Variants in CMPK2 observed in about 807,000 individuals in gnomAD.
The protein encoded by CMPK2 is UMP-CMP kinase 2, mitochondrial.
Under a neutral mutation model 33.4 loss-of-function variants are expected in CMPK2, and 32 were observed. That is an observed-to-expected ratio of 0.96 (90% CI 0.72 to 1.29). The LOEUF (loss-of-function observed/expected upper bound fraction) is 1.29, where lower values mean the gene tolerates loss of function less well. Among genes scored for constraint, CMPK2 ranks in the 50% most tolerant of loss-of-function variants. The probability of loss-of-function intolerance (pLI) is 0.00; values close to 1 mark genes in which losing one functional copy is unlikely to be tolerated. For missense variants in CMPK2, 672 were observed against 616.0 expected, an observed-to-expected ratio of 1.09 and a Z score of -0.96; for synonymous variants, 299 against 275.3, an observed-to-expected ratio of 1.09 and a Z score of -0.85.
rs1271826020 is a variant in CMPK2 at position 6,848,623 on chromosome 2, T to G, written c.*1227A>C. ...TTTAAGATTCTATATGCAGACCTGATAAAGCCTTAAATTTAATTATTTTGG... is the reference window on the plus strand; with the variant it reads ...TTTAAGATTCTATATGCAGACCTGAGAAAGCCTTAAATTTAATTATTTTGG... On this transcript the variant is annotated 3_prime_UTR_variant, in exon 5 of 5. Coordinates refer to ENST00000256722, the MANE Select transcript of CMPK2 (RefSeq NM_207315.4). The G allele has an allele frequency of 2.1e-6, 2 of 967,346 alleles. No individual in the cohort carries two copies. The highest frequency in any genetic ancestry group is 1.1e-4 in the East Asian group (1 of 8,746). 59.9% of individuals were successfully genotyped at this position (967,346 alleles called of 1,614,324 possible).
Position 6,865,610 on chromosome 2 carries a change from C to T in CMPK2, c.87G>A (p.Pro29=), listed in dbSNP as rs1203840410. The part of the protein sequence containing the change: ...RRGVCAGAMA[P]PRRFVLELPD... Reference sequence around the variant, plus strand: ...GAAGCTCCAGGACGAAGCGGCGCGGCGGAGCCATGGCCCCAGCGCAGACCC... The same window carrying T: ...GAAGCTCCAGGACGAAGCGGCGCGGTGGAGCCATGGCCCCAGCGCAGACCC... Residue 29 remains proline (P), a synonymous_variant, in exon 1 of 5, where the codon CCG becomes CCA. Coordinates refer to ENST00000256722, the MANE Select transcript of CMPK2 (RefSeq NM_207315.4). 1 of 1,393,950 alleles carries T rather than the reference C, an allele frequency of 7.2e-7. No individual in the cohort carries two copies. The highest frequency in any genetic ancestry group is 2.9e-5 in the Admixed American group (1 of 35,004). 86.3% of individuals were successfully genotyped at this position (1,393,950 alleles called of 1,614,324 possible).
chr2:6,866,027 C>A, upstream of CMPK2: 1 of 454,238 alleles, frequency 2.2e-6, no homozygotes, highest in South Asian at 3.0e-5. Flanking sequence ...GAATGAGGCC[C>A]CGCGCCGTCG....
intron 3 of CMPK2, among the ~76,000 whole-genome samples, chr2:6,859,222 G>C (rs1454838104): frequency 6.6e-6 from 1 of 152,206 alleles, no homozygotes; most frequent in Non-Finnish European, 1.5e-5. Flanking sequence ...AAGGTATTCG[G>C]TTTTAAAATG....
intron 3 of CMPK2, among the ~76,000 whole-genome samples, chr2:6,853,889 G>C (rs969857421): frequency 6.6e-6 from 1 of 151,716 alleles, no homozygotes; most frequent in East Asian, 1.9e-4. Flanking sequence ...GCAACAGAGC[G>C]AGACTTCATC....
chr2:6,866,412 T>G (rs4668514), upstream of CMPK2: 17 of 983,190 alleles, frequency 1.7e-5, no homozygotes, highest in African/African-American at 3.0e-4. Context: ...ACACTCACCT[T>G]TGCACACACT....
chr2:6,855,956 C>A (rs1662693587), intron 3 of CMPK2, among the ~76,000 whole-genome samples: 1 of 152,140 alleles, frequency 6.6e-6, no homozygotes, highest in Admixed American at 6.5e-5. Flanking sequence ...AGCTTACCCA[C>A]CAGGAACAAG....
intron 3 of CMPK2, among the ~76,000 whole-genome samples, chr2:6,841,117 A>G (rs1662221942): frequency 1.3e-5 from 2 of 152,168 alleles, no homozygotes; most frequent in Admixed American, 6.5e-5. Flanking sequence ...CCCCTTGGGT[A>G]ACAGCTGCCT....
intron 1 of CMPK2, 67 bp from the exon 2 acceptor site, chr2:6,863,645 G>A: frequency 8.6e-7 from 1 of 1,156,812 alleles, no homozygotes; most frequent in Non-Finnish European, 1.3e-6. Context: ...CACCTAAATT[G>A]CTGAGCACAA....
chr2:6,841,506 A>G (rs1053927976), intron 3 of CMPK2, among the ~76,000 whole-genome samples: 2 of 152,226 alleles, frequency 1.3e-5, no homozygotes, highest in Non-Finnish European at 2.9e-5. Context: ...TTCTTTCCCA[A>G]GTGAAAAGTT....
At chr2:6,846,231 ATTAAC>A (rs1197289368), downstream of CMPK2, among the ~76,000 whole-genome samples, 1 of 152,240 alleles carries the variant, frequency 6.6e-6, no homozygotes, top group African/African-American at 2.4e-5. Flanking sequence ...CCGTAAGAAA[ATTAAC>A]TTCTCTCATA....
At chr2:6,840,757 G>A (rs1662209820) in intron 3 of CMPK2, 2 of 684,632 alleles carry the variant, frequency 2.9e-6, no homozygotes, top group Non-Finnish European at 5.3e-6. Flanking sequence ...CCTAGTTCTT[G>A]GGGTTGGAAT....
At chr2:6,852,745 T>C (rs1002253783) in intron 3 of CMPK2, among the ~76,000 whole-genome samples, 6 of 152,222 alleles carry the variant, frequency 3.9e-5, no homozygotes, top group Admixed American at 6.5e-5. Flanking sequence ...AATGAATAAA[T>C]GAATTAGAAC....
chr2:6,857,480 A>AT (rs913431770), intron 3 of CMPK2, among the ~76,000 whole-genome samples: 4 of 150,942 alleles, frequency 2.7e-5, no homozygotes, highest in Non-Finnish European at 4.4e-5. Flanking sequence ...ATACCCAGCT[A>AT]TTTTTTTAAA....
At chr2:6,866,386 T>A (rs4668513), upstream of CMPK2, 3 of 929,350 alleles carry the variant, frequency 3.2e-6, no homozygotes, top group Non-Finnish European at 3.9e-6. Context: ...ACCTGTGCAC[T>A]CACTCACCTG....
At chr2:6,866,423 C>T, upstream of CMPK2, 1 of 985,160 alleles carries the variant, frequency 1.0e-6, no homozygotes, top group Non-Finnish European at 1.2e-6. Flanking sequence ...TGCACACACT[C>T]ACCTGTGCAC....
chr2:6,843,565 T>C (rs1662281737), downstream of CMPK2, among the ~76,000 whole-genome samples: 1 of 152,110 alleles, frequency 6.6e-6, no homozygotes, highest in Non-Finnish European at 1.5e-5. Flanking sequence ...CCTGACCAAT[T>C]TTCCTGTGAC....
chr2:6,846,929 C>T (rs1244911688), downstream of CMPK2, among the ~76,000 whole-genome samples: 4 of 152,190 alleles, frequency 2.6e-5, no homozygotes, highest in Non-Finnish European at 4.4e-5. Flanking sequence ...AACAGTCTCC[C>T]GTTGTCTGAG....
chr2:6,850,645 G>C (rs1040454530), intron 4 of CMPK2: 7 of 653,080 alleles, frequency 1.1e-5, no homozygotes, highest in Non-Finnish European at 1.3e-5. Flanking sequence ...GACTGAAACC[G>C]TACCTTCCTT....
Position 6,865,021 on chromosome 2 carries a change from C to A in CMPK2, c.675+1G>T. ...GAGCTGGAAGCGGACAGAACTCTTA[C>A]CTCCTCCAAAACGGCCCGGGCGGCT... On this transcript the variant is annotated splice_donor_variant, in intron 1 of 4. Coordinates refer to ENST00000256722, the MANE Select transcript of CMPK2 (RefSeq NM_207315.4). LOFTEE classifies it high-confidence loss of function. 1 of 1,421,196 alleles carries A rather than the reference C, an allele frequency of 7.0e-7. No individual in the cohort carries two copies. Among genetic ancestry groups the A allele is most frequent in the Non-Finnish European group, 9.2e-7 (1 of 1,085,282 alleles). 88.0% of individuals were successfully genotyped at this position (1,421,196 alleles called of 1,614,324 possible).
Sources: allele counts gnomAD v4.1 joint callset (sites outside exome capture counted in the v4.1 genomes callset), GRCh38; gene constraint gnomAD v4.1.1; transcripts MANE v1.5; gene names NCBI Gene and HGNC (gene_info 2026-07-23, HGNC 2026-07-21).